KIAA1217: variants seen among roughly 807,000 people sequenced by gnomAD.
The protein encoded by KIAA1217 is sickle tail protein homolog.
KIAA1217 carries 88 observed loss-of-function variants against 163.9 expected under a neutral mutation model. That is an observed-to-expected ratio of 0.54 (90% CI 0.45 to 0.64). The LOEUF (loss-of-function observed/expected upper bound fraction) is 0.64. KIAA1217 is among the 30% of genes least tolerant of loss of function. KIAA1217 has a pLI of 0.00. For missense variants in KIAA1217, 2,372 were observed against 2,475.0 expected (o/e 0.96, Z 0.88); for synonymous variants, 903 against 923.1 (o/e 0.98, Z 0.39).
At chr10:24,423,803 T>C (rs1416539748) in intron 3 of KIAA1217, among the ~76,000 whole-genome samples, 1 of 152,184 alleles carries the variant, frequency 6.6e-6, no homozygotes, top group Non-Finnish European at 1.5e-5. Flanking sequence ...CCGAAAGTTC[T>C]GGGATTACAG....
In KIAA1217 at chr10:24,434,224, G is replaced by C. The variant is rs1310519980; in HGVS notation, c.752+1031G>C. 4.6e-5 allele frequency among the ~76,000 whole-genome samples: 7 copies of C among 151,652 alleles called. No individual in the cohort carries two copies. The South Asian group carries it at 6.3e-4, about 14-fold the overall frequency. ...GCTAATTTTTTTCTATTTTTAGTAG[G>C]TACGGGGTTTTACCACGTGGGTCAG... On this transcript the variant is annotated intron_variant, in intron 4 of 20. Coordinates refer to ENST00000376454, the MANE Select transcript of KIAA1217 (RefSeq NM_019590.5).
chr10:24,076,447 T>C (rs2061370771), intron 2 of KIAA1217, among the ~76,000 whole-genome samples: 1 of 152,182 alleles, frequency 6.6e-6, no homozygotes, highest in East Asian at 1.9e-4. Flanking sequence ...CTCTGGAGCA[T>C]AGCTATCTAA....
chr10:24,150,749 C>T (rs564170072), intron 2 of KIAA1217, among the ~76,000 whole-genome samples: 5 of 152,192 alleles, frequency 3.3e-5, no homozygotes, highest in African/African-American at 1.2e-4. Flanking sequence ...AATCTCCCCT[C>T]CTCCCAGCAT....
intron 1 of KIAA1217, among the ~76,000 whole-genome samples, chr10:23,697,385 T>C (rs1212362401): frequency 6.6e-6 from 1 of 152,212 alleles, no homozygotes; most frequent in African/African-American, 2.4e-5. Context: ...TTGATTTTAC[T>C]AGTGAAGATT....
At chr10:23,961,770 C>A (rs983467244) in intron 1 of KIAA1217, among the ~76,000 whole-genome samples, 1 of 152,102 alleles carries the variant, frequency 6.6e-6, no homozygotes, top group Non-Finnish European at 1.5e-5. Flanking sequence ...ACAGTTCTAG[C>A]GGCTGGAGTA....
intron 1 of KIAA1217, among the ~76,000 whole-genome samples, chr10:23,894,104 A>G (rs1183342485): frequency 8.6e-5 from 13 of 150,382 alleles, no homozygotes; most frequent in African/African-American, 2.9e-4. Flanking sequence ...CTCTCTCACC[A>G]CTCCTATTCA....
chr10:24,472,533 C>T (rs908210173), intron 5 of KIAA1217, among the ~76,000 whole-genome samples: 3 of 152,148 alleles, frequency 2.0e-5, no homozygotes, highest in South Asian at 4.2e-4. Flanking sequence ...GAAGACTCAG[C>T]GTGAGCACTA....
chr10:24,491,926 G>A (rs577420925), intron 6 of KIAA1217, among the ~76,000 whole-genome samples: 8 of 151,416 alleles, frequency 5.3e-5, no homozygotes, highest in Non-Finnish European at 1.0e-4. Flanking sequence ...AAAATGCCAC[G>A]TTACCTTTTT....
chr10:23,865,999 A>G (rs550670517), intron 1 of KIAA1217, among the ~76,000 whole-genome samples: 54 of 152,198 alleles, frequency 3.5e-4, no homozygotes, highest in Admixed American at 2.1e-3. Context: ...CAAATCAACA[A>G]CCTCCTCAGC....
intron 2 of KIAA1217, among the ~76,000 whole-genome samples, chr10:24,015,662 A>C (rs1030898864): frequency 6.6e-6 from 1 of 151,728 alleles, no homozygotes; most frequent in Non-Finnish European, 1.5e-5. Context: ...AGGCTGAGCC[A>C]GGAGAATGTT....
At chr10:23,809,826 T>G (rs570389309) in intron 1 of KIAA1217, among the ~76,000 whole-genome samples, 5 of 152,178 alleles carry the variant, frequency 3.3e-5, no homozygotes, top group Admixed American at 3.3e-4. Flanking sequence ...TAGCAACACA[T>G]GTATCTGCAT....
chr10:24,331,360 T>A (rs955081798), intron 2 of KIAA1217, among the ~76,000 whole-genome samples: 1 of 152,246 alleles, frequency 6.6e-6, no homozygotes, highest in Non-Finnish European at 1.5e-5. Flanking sequence ...GATGTTAGGA[T>A]GCCTTAGAAT....
chr10:23,834,833 T>C (rs1426049671), intron 1 of KIAA1217, among the ~76,000 whole-genome samples: 1 of 152,136 alleles, frequency 6.6e-6, no homozygotes, highest in African/African-American at 2.4e-5. Context: ...AGGAGGAGAT[T>C]TGTGCCATGG....
At chr10:24,064,858 A>G (rs532313875) in intron 2 of KIAA1217, among the ~76,000 whole-genome samples, 595 of 152,176 alleles carry the variant, frequency 3.9e-3, no homozygotes, top group Non-Finnish European at 6.8e-3. Context: ...CTTCTTCCTG[A>G]TTTAGTCTTG....
In KIAA1217 at chr10:24,501,604, T is replaced by C. The variant is rs2067594502; in HGVS notation, c.2001+59T>C. The C allele has an allele frequency of 1.2e-5, 18 of 1,512,762 alleles. 2 individuals carry two copies. In the South Asian group the frequency reaches 1.7e-4, roughly 14 times the overall value. 93.7% of individuals were successfully genotyped at this position (1,512,762 alleles called of 1,614,324 possible). ...TGCCCTGAGCTCTTCCTACCTTCCT[T>C]TTCCTAGGGGCTCCGTGAAGACCTA... On this transcript the variant is annotated intron_variant, in intron 9 of 20. Coordinates refer to ENST00000376454, the MANE Select transcript of KIAA1217 (RefSeq NM_019590.5).
chr10:23,998,134 T>C (rs1231866624), intron 1 of KIAA1217, among the ~76,000 whole-genome samples: 2 of 152,056 alleles, frequency 1.3e-5, no homozygotes, highest in East Asian at 1.9e-4. Context: ...AATTCACTTA[T>C]ATTTTTAAAA....
chr10:24,541,123 AG>A (rs1284795819), intron 17 of KIAA1217, among the ~76,000 whole-genome samples: 2 of 151,614 alleles, frequency 1.3e-5, no homozygotes, highest in African/African-American at 4.8e-5. Context: ...CATGTTGCCC[AG>A]GCTGTTCTCG....
At chr10:23,952,369 T>C (rs1844377230) in intron 1 of KIAA1217, among the ~76,000 whole-genome samples, 1 of 152,192 alleles carries the variant, frequency 6.6e-6, no homozygotes, top group Admixed American at 6.5e-5. Context: ...CCTTTGTGTG[T>C]TCAGCGGGTG....
chr10:23,759,926 A>G (rs1015715295), intron 1 of KIAA1217, among the ~76,000 whole-genome samples: 3 of 152,216 alleles, frequency 2.0e-5, no homozygotes, highest in South Asian at 2.1e-4. Flanking sequence ...CCTGTTACTT[A>G]TAGTAAAGGG....
Sources: gnomAD v4.1 joint callset for allele counts (sites outside exome capture counted in the v4.1 genomes callset) on GRCh38, gnomAD v4.1.1 for gene constraint, MANE v1.5 for transcripts, NCBI Gene and HGNC (gene_info 2026-07-23, HGNC 2026-07-21) for gene names.